Variants in PIWIL4 observed in about 807,000 individuals in gnomAD.
PIWIL4 encodes the protein piwi like RNA-mediated gene silencing 4.
PIWIL4 carries 50 observed loss-of-function variants against 100.9 expected under a neutral mutation model. The observed-to-expected ratio is 0.50, with a 90% CI of 0.39 to 0.63. PIWIL4 has a LOEUF of 0.63. PIWIL4 is among the 20% of genes least tolerant of loss of function. The probability of loss-of-function intolerance (pLI) is 0.00; values close to 1 mark genes in which losing one functional copy is unlikely to be tolerated. For missense variants in PIWIL4, 887 were observed against 1,043.3 expected, an observed-to-expected ratio of 0.85 and a Z score of 2.06; for synonymous variants, 342 against 367.5, an observed-to-expected ratio of 0.93 and a Z score of 0.79.
In PIWIL4 at chr11:94,599,669, G is replaced by C. The variant is rs534559608; in HGVS notation, c.1380+1754G>C. On this transcript the variant is annotated intron_variant, in intron 11 of 19. Coordinates refer to ENST00000299001, the MANE Select transcript of PIWIL4 (RefSeq NM_152431.3). ...CTGAATCCAGCCCAGCCAGTGGAAG[G>C]CATCATGAGGATGGCTGATGGTTGG... Among the ~76,000 whole-genome samples, 4 of 152,326 alleles carry C rather than the reference G, an allele frequency of 2.6e-5. No individual in the cohort carries two copies. The South Asian group carries it at 6.2e-4, about 24-fold the overall frequency.
rs1948692908 is a variant in PIWIL4 at position 94,604,720 on chromosome 11, A to G, written c.1638+664A>G. ...TCTTCTACCAGACCTCAGCACCCCCAGGCTATTGTAGGGCTTTTCCTGTCC... is the reference window on the plus strand; with the variant it reads ...TCTTCTACCAGACCTCAGCACCCCCGGGCTATTGTAGGGCTTTTCCTGTCC... On this transcript the variant is annotated intron_variant, in intron 13 of 19. Transcript: ENST00000299001. 4.6e-5 allele frequency among the ~76,000 whole-genome samples: 7 copies of G among 152,260 alleles called. No individual in the cohort carries two copies. The South Asian group carries it at 1.4e-3, about 32-fold the overall frequency.
chr11:94,602,299 G>A (rs985547989), intron 12 of PIWIL4, among the ~76,000 whole-genome samples: 2 of 152,042 alleles, frequency 1.3e-5, no homozygotes, highest in African/African-American at 4.8e-5. Context: ...CCTTCTTTCA[G>A]ATCAGTTTTT....
At chr11:94,582,588 T>C (rs1357213052) in intron 4 of PIWIL4, among the ~76,000 whole-genome samples, 13 of 152,230 alleles carry the variant, frequency 8.5e-5, no homozygotes, top group Admixed American at 8.5e-4. Flanking sequence ...TGATCATTGA[T>C]TGATATTTAT....
chr11:94,616,650 C>A, intron 16 of PIWIL4, 87 bp downstream of exon 16: 2 of 1,050,330 alleles, frequency 1.9e-6, no homozygotes, highest in Non-Finnish European at 2.8e-6. Flanking sequence ...CCACATAGGT[C>A]AGAGCAAACT....
chr11:94,571,450 G>T (rs1044435737), intron 2 of PIWIL4, among the ~76,000 whole-genome samples: 1 of 151,810 alleles, frequency 6.6e-6, no homozygotes, highest in African/African-American at 2.4e-5. Flanking sequence ...CCCACCCCAC[G>T]ACAGGCCCTG....
intron 11 of PIWIL4, among the ~76,000 whole-genome samples, chr11:94,600,435 C>T (rs985271628): frequency 2.6e-5 from 4 of 152,072 alleles, no homozygotes; most frequent in African/African-American, 9.7e-5. Flanking sequence ...AGCCGTAAAA[C>T]CAGCAAGTTT....
In PIWIL4 at chr11:94,587,055, C is replaced by G. The variant is rs758783384; in HGVS notation, c.722C>G (p.Ser241Cys). The change falls in exon 7 of 20, where the codon TCC becomes TGC. Residue 241 changes from serine to cysteine, a missense_variant. Ser to Cys is a moderately radical substitution (Grantham distance 112). Coordinates refer to ENST00000299001, the MANE Select transcript of PIWIL4 (RefSeq NM_152431.3). Reference sequence around the variant, plus strand: ...TTTCTTTTTTGTTTTTAAAGATTATCCCTTTGGCCTGGGTTTGCCATTTCT... The same window carrying G: ...TTTCTTTTTTGTTTTTAAAGATTATGCCTTTGGCCTGGGTTTGCCATTTCT... Reference protein sequence around the residue: ...EPMEIPQHKLSLWPGFAISVS... With the variant: ...EPMEIPQHKLCLWPGFAISVS... 1.9e-6 allele frequency: 3 copies of G among 1,607,128 alleles called. No individual in the cohort carries two copies. Among genetic ancestry groups the G allele is most frequent in the Non-Finnish European group, 2.6e-6 (3 of 1,174,538 alleles).
intron 7 of PIWIL4, among the ~76,000 whole-genome samples, chr11:94,587,507 G>A (rs982543894): frequency 1.3e-5 from 2 of 152,180 alleles, no homozygotes; most frequent in Non-Finnish European, 2.9e-5. Context: ...CCAGCGGTCT[G>A]CACTTTGCAT....
intron 14 of PIWIL4, among the ~76,000 whole-genome samples, 166 bp downstream of exon 14, chr11:94,607,805 G>A (rs1033299024): frequency 6.6e-6 from 1 of 152,176 alleles, no homozygotes; most frequent in African/African-American, 2.4e-5. Context: ...TCCAAAAGAG[G>A]CTCCATACTT....
At chr11:94,569,999 A>G (rs1478740097) in intron 2 of PIWIL4, among the ~76,000 whole-genome samples, 1 of 152,170 alleles carries the variant, frequency 6.6e-6, no homozygotes, top group Non-Finnish European at 1.5e-5. Context: ...AACGGCATAT[A>G]AATGCCAATG....
rs746862005 is a variant in PIWIL4, at chr11:94,587,188, C to T, written c.855C>T (p.Gly285=). ...EFMTALCQRT[G]LSCFTQTCEK... ...TGACTGCTCTCTGTCAAAGAACTGG[C>T]TTGTCCTGTTTCACCCAGACGTGTG... The change falls in exon 7 of 20, where the codon GGC becomes GGT. Residue 285 remains glycine, a synonymous_variant. Coordinates refer to ENST00000299001, the MANE Select transcript of PIWIL4 (RefSeq NM_152431.3). The T allele has an allele frequency of 1.9e-6, 3 of 1,614,184 alleles. No individual in the cohort carries two copies. The highest frequency in any genetic ancestry group is 1.1e-5 in the South Asian group (1 of 91,088).
At chr11:94,585,052 C>T (rs1204216606) in intron 5 of PIWIL4, among the ~76,000 whole-genome samples, 1 of 152,008 alleles carries the variant, frequency 6.6e-6, no homozygotes, top group Admixed American at 6.6e-5. Flanking sequence ...GCAACAAGAG[C>T]GAAACTCCAT....
intron 4 of PIWIL4, among the ~76,000 whole-genome samples, chr11:94,578,922 G>A (rs938816504): frequency 2.0e-5 from 3 of 151,986 alleles, no homozygotes; most frequent in African/African-American, 7.2e-5. Context: ...CCTTTTTCCT[G>A]TTCCCTTGCC....
chr11:94,582,235 T>C (rs1467513350), intron 4 of PIWIL4, among the ~76,000 whole-genome samples: 1 of 152,112 alleles, frequency 6.6e-6, no homozygotes, highest in Admixed American at 6.5e-5. Context: ...TCCTTTGTTG[T>C]CTTAATCCTT....
Position 94,621,071 on chromosome 11 carries a change from A to C in PIWIL4, c.*79A>C. The C allele has an allele frequency of 1.9e-4, 188 of 1,015,088 alleles. No homozygotes were observed. Among genetic ancestry groups the C allele is most frequent in the Non-Finnish European group, 2.6e-4 (175 of 662,648 alleles). The allele number at this position is 1,015,088 out of a possible 1,614,324, so 62.9% of individuals were successfully genotyped here. The stretch of plus-strand genomic sequence containing the variant: ...CTTTGTGCAAATCTGCCATAAGCTC[A>C]AGGCTGTGACTGGGGAAAAAGATTG... On this transcript the variant is annotated 3_prime_UTR_variant, in exon 20 of 20. Transcript: ENST00000299001.
At chr11:94,579,844 TA>T (rs1419894122) in intron 4 of PIWIL4, among the ~76,000 whole-genome samples, 5 of 152,242 alleles carry the variant, frequency 3.3e-5, no homozygotes. Flanking sequence ...TTCTCATACT[TA>T]AATGATATAT....
chr11:94,598,446 C>A (rs1565278331), intron 11 of PIWIL4, among the ~76,000 whole-genome samples: 1 of 152,154 alleles, frequency 6.6e-6, no homozygotes, highest in Non-Finnish European at 1.5e-5. Flanking sequence ...GGGAGAGAGG[C>A]ATTCTGAAAC....
chr11:94,616,532 T>C lies in PIWIL4; in HGVS notation c.1983T>C (p.Asp661=). 1 of 1,608,516 alleles carries C rather than the reference T, an allele frequency of 6.2e-7. No homozygotes were observed. The highest frequency in any genetic ancestry group is 8.5e-7 in the Non-Finnish European group (1 of 1,178,346). Residue 661 remains aspartate (D), a synonymous_variant, in exon 16 of 20, where the codon GAT becomes GAC. Transcript: ENST00000299001. ...GTATCCTTCAGAGAACAATGACTGA[T>C]GTTGCAGATTGCTTGAAAGTTTTCA... ...SRCILQRTMT[D]VADCLKVFMT...
At chr11:94,569,595 C>G (rs1407774059) in intron 2 of PIWIL4, among the ~76,000 whole-genome samples, 24 of 152,210 alleles carry the variant, frequency 1.6e-4, no homozygotes, top group Non-Finnish European at 1.5e-5. Context: ...TCAGGCTAGT[C>G]TTGAACTCCT....
Sources: allele counts gnomAD v4.1 joint callset (sites outside exome capture counted in the v4.1 genomes callset), GRCh38; gene constraint gnomAD v4.1.1; transcripts MANE v1.5; gene names NCBI Gene and HGNC (gene_info 2026-07-23, HGNC 2026-07-21).